KCNAB1: variants seen among roughly 807,000 people sequenced by gnomAD.
KCNAB1 encodes potassium voltage-gated channel subfamily A regulatory beta subunit 1.
Under a neutral mutation model 64.6 loss-of-function variants are expected in KCNAB1, and 35 were observed. The ratio of observed to expected loss-of-function variants is 0.54; its 90% confidence interval spans 0.41 to 0.72. The LOEUF (loss-of-function observed/expected upper bound fraction) is 0.72. Among genes scored for constraint, KCNAB1 ranks in the 30% least tolerant of loss-of-function variants. The pLI is 0.00. For missense variants in KCNAB1, 401 were observed against 512.9 expected, an observed-to-expected ratio of 0.78 and a Z score of 2.11; for synonymous variants, 177 against 183.8, an observed-to-expected ratio of 0.96 and a Z score of 0.30.
intron 1 of KCNAB1, among the ~76,000 whole-genome samples, chr3:156,188,815 A>G (rs1216022260): frequency 6.6e-6 from 1 of 152,194 alleles, no homozygotes. Flanking sequence ...CTTGGAAGAA[A>G]GCTGTTTTCC....
At chr3:156,320,680 C>T (rs928727050) in intron 1 of KCNAB1, among the ~76,000 whole-genome samples, 5 of 152,128 alleles carry the variant, frequency 3.3e-5, no homozygotes, top group African/African-American at 7.2e-5. Flanking sequence ...AGCTCTTGCT[C>T]GTCCCTCTGT....
At chr3:156,383,264 AG>A (rs1403033488) in intron 1 of KCNAB1, among the ~76,000 whole-genome samples, 6 of 152,208 alleles carry the variant, frequency 3.9e-5, no homozygotes, top group Non-Finnish European at 5.9e-5. Context: ...CCAACTTGGC[AG>A]CTGGAATTTC....
chr3:156,252,710 G>A (rs534201475), intron 1 of KCNAB1, among the ~76,000 whole-genome samples: 11 of 152,142 alleles, frequency 7.2e-5, no homozygotes, highest in Non-Finnish European at 1.5e-4. Context: ...TGCCCAAGAT[G>A]CATTACTTGT....
At chr3:156,179,882 G>A (rs1442641781) in intron 1 of KCNAB1, among the ~76,000 whole-genome samples, 2 of 152,154 alleles carry the variant, frequency 1.3e-5, no homozygotes, top group African/African-American at 4.8e-5. Flanking sequence ...TCATCCTAGT[G>A]TAAGTAATAA....
chr3:156,365,307 C>T (rs939979749), intron 1 of KCNAB1, among the ~76,000 whole-genome samples: 9 of 152,134 alleles, frequency 5.9e-5, no homozygotes, highest in Non-Finnish European at 1.0e-4. Flanking sequence ...TATTTAATGA[C>T]GGAACATGTG....
rs116266675 is a variant in KCNAB1, at chr3:156,252,191, G to A, written c.275+131305G>A. Among the ~76,000 whole-genome samples, 261 of 152,362 alleles carry A rather than the reference G, an allele frequency of 1.7e-3. 1 individual carries two copies. The highest frequency in any genetic ancestry group is 6.1e-3 in the African/African-American group (255 of 41,586). On this transcript the variant is annotated intron_variant, in intron 1 of 13. Transcript: ENST00000490337. ...ATTGGGATATTGCCTTGGCATCTCT[G>A]ATGCAGGAAACATGTGCTCAGGCAC...
chr3:156,240,853 AG>A (rs1359114917), intron 1 of KCNAB1, among the ~76,000 whole-genome samples: 3 of 152,230 alleles, frequency 2.0e-5, no homozygotes, highest in African/African-American at 7.2e-5. Flanking sequence ...TAGGGGAGGA[AG>A]GAAGTGATAA....
chr3:156,515,091 C>T lies in KCNAB1; in HGVS notation c.745-9C>T, dbSNP rs1200218518. The T allele has an allele frequency of 8.2e-6, 13 of 1,592,212 alleles. No homozygotes were observed. Among genetic ancestry groups the T allele is most frequent in the African/African-American group, 2.7e-5 (2 of 73,820 alleles). ...GTATAAATTTGGTTGTAATCTCATTCCTCCCTAGGAAGCCTATTCTGTAGC... is the reference window on the plus strand; with the variant it reads ...GTATAAATTTGGTTGTAATCTCATTTCTCCCTAGGAAGCCTATTCTGTAGC... On this transcript the variant is annotated splice_polypyrimidine_tract_variant and intron_variant, in intron 9 of 13. Transcript: ENST00000490337.
At chr3:156,183,999 C>G (rs1399662081) in intron 1 of KCNAB1, among the ~76,000 whole-genome samples, 1 of 152,178 alleles carries the variant, frequency 6.6e-6, no homozygotes, top group East Asian at 1.9e-4. Context: ...CCTCCTAGGA[C>G]TGTTGTGAGC....
intron 8 of KCNAB1, among the ~76,000 whole-genome samples, chr3:156,487,729 A>T (rs1715316816): frequency 6.6e-6 from 1 of 152,148 alleles, no homozygotes; most frequent in African/African-American, 2.4e-5. Flanking sequence ...TATTAAGGGC[A>T]AAAAGGAAAG....
At chr3:156,212,792 C>T (rs1170594906) in intron 1 of KCNAB1, among the ~76,000 whole-genome samples, 1 of 152,104 alleles carries the variant, frequency 6.6e-6, no homozygotes, top group Non-Finnish European at 1.5e-5. Context: ...AGGCAAAGCT[C>T]TGAAAGTGTG....
At chr3:156,511,001 A>G (rs1230943159) in intron 8 of KCNAB1, among the ~76,000 whole-genome samples, 1 of 152,196 alleles carries the variant, frequency 6.6e-6, no homozygotes, top group Non-Finnish European at 1.5e-5. Flanking sequence ...AATATAATCA[A>G]TAGACTGGTA....
intron 1 of KCNAB1, chr3:156,176,974 C>G: frequency 1.5e-6 from 1 of 664,844 alleles, no homozygotes; most frequent in East Asian, 2.5e-5. Flanking sequence ...TGTGCCACTT[C>G]CTCCGTGGAG....
intron 1 of KCNAB1, among the ~76,000 whole-genome samples, chr3:156,277,175 C>A (rs141406732): frequency 5.6e-4 from 85 of 152,236 alleles, no homozygotes; most frequent in African/African-American, 2.0e-3. Flanking sequence ...TGGTAGAGCA[C>A]TGAGAACACA....
intron 2 of KCNAB1, among the ~76,000 whole-genome samples, chr3:156,426,626 C>T (rs1715839891): frequency 6.6e-6 from 1 of 152,192 alleles, no homozygotes; most frequent in South Asian, 2.1e-4. Context: ...TCTGTCTTGC[C>T]TATTCATCCC....
chr3:156,535,748 C>T (rs1253360599), intron 13 of KCNAB1, among the ~76,000 whole-genome samples: 1 of 152,210 alleles, frequency 6.6e-6, no homozygotes, highest in African/African-American at 2.4e-5. Context: ...TTCTGCTCCA[C>T]TGCCCTAGTT....
intron 1 of KCNAB1, among the ~76,000 whole-genome samples, chr3:156,130,692 G>T (rs563478475): frequency 3.2e-4 from 48 of 152,338 alleles, no homozygotes; most frequent in African/African-American, 9.9e-4. Context: ...TCACTACAAA[G>T]ATGTCATTTT....
intron 8 of KCNAB1, among the ~76,000 whole-genome samples, chr3:156,485,291 A>G (rs752246029): frequency 6.6e-6 from 1 of 152,140 alleles, no homozygotes; most frequent in Non-Finnish European, 1.5e-5. Flanking sequence ...ACTTATAGAA[A>G]TGGTGAAAGA....
intron 8 of KCNAB1, among the ~76,000 whole-genome samples, chr3:156,479,682 A>G (rs984771548): frequency 1.1e-4 from 16 of 152,148 alleles, no homozygotes; most frequent in African/African-American, 3.6e-4. Context: ...CTTACTTTTC[A>G]TATAGAGCTT....
Sources: allele counts gnomAD v4.1 joint callset (sites outside exome capture counted in the v4.1 genomes callset), GRCh38; gene constraint gnomAD v4.1.1; transcripts MANE v1.5; gene names NCBI Gene and HGNC (gene_info 2026-07-23, HGNC 2026-07-21).